Variants in SLC24A2 observed in about 807,000 individuals in gnomAD.
SLC24A2 encodes sodium/potassium/calcium exchanger 2.
Under a neutral mutation model 62.0 loss-of-function variants are expected in SLC24A2, and 36 were observed. The observed-to-expected ratio is 0.58, with a 90% CI of 0.44 to 0.77. The LOEUF (loss-of-function observed/expected upper bound fraction) is 0.77, where lower values mean the gene tolerates loss of function less well. SLC24A2 is among the 30% of genes least tolerant of loss of function. The pLI, the probability that SLC24A2 is intolerant of heterozygous loss-of-function variation, is 0.00. For synonymous variants in SLC24A2, 358 were observed against 294.0 expected (o/e 1.22, Z -2.23); for missense variants, 846 against 817.9 (o/e 1.03, Z -0.42).
the SLC24A2 span, among the ~76,000 whole-genome samples, chr9:20,130,411 C>A: frequency 6.6e-6 from 1 of 151,816 alleles, no homozygotes; most frequent in Non-Finnish European, 1.5e-5. Flanking sequence ...CAAGGAAGGC[C>A]TCTCTGAGGT....
the SLC24A2 span, among the ~76,000 whole-genome samples, chr9:20,131,424 A>G: frequency 6.6e-6 from 1 of 152,148 alleles, no homozygotes; most frequent in Non-Finnish European, 1.5e-5. Flanking sequence ...ACCTGTCAAG[A>G]TATACCTTGG....
the SLC24A2 span, among the ~76,000 whole-genome samples, chr9:20,122,646 A>G: frequency 6.6e-6 from 1 of 152,196 alleles, no homozygotes; most frequent in African/African-American, 2.4e-5. Flanking sequence ...AGATTGCACC[A>G]CTGCACTCCA....
chr9:19,600,746 T>C (rs1445703660), intron 4 of SLC24A2, among the ~76,000 whole-genome samples: 2 of 152,170 alleles, frequency 1.3e-5, no homozygotes, highest in East Asian at 3.9e-4. Flanking sequence ...ACTCAGGCCA[T>C]ATTTCACCTT....
At chr9:19,996,707 A>G in the SLC24A2 span, among the ~76,000 whole-genome samples, 1 of 145,206 alleles carries the variant, frequency 6.9e-6, no homozygotes, top group Middle Eastern at 3.8e-3. Context: ...GTGCCACTGC[A>G]CCACTCCAGC....
the SLC24A2 span, among the ~76,000 whole-genome samples, chr9:19,897,655 C>T: frequency 5.5e-4 from 83 of 152,192 alleles, no homozygotes; most frequent in African/African-American, 1.8e-3. Flanking sequence ...TTCTAATATT[C>T]GGGTCTATTA....
chr9:19,564,518 A>G (rs1373525119), intron 7 of SLC24A2, among the ~76,000 whole-genome samples: 1 of 136,460 alleles, frequency 7.3e-6, no homozygotes, highest in Non-Finnish European at 1.6e-5. Flanking sequence ...GTCATCTGTT[A>G]TCTACCTACC....
chr9:19,698,552 T>C (rs1447288523), intron 2 of SLC24A2, among the ~76,000 whole-genome samples: 3 of 152,198 alleles, frequency 2.0e-5, no homozygotes, highest in Non-Finnish European at 4.4e-5. Context: ...CTCCTTCAGC[T>C]CTAATATTTC....
the SLC24A2 span, among the ~76,000 whole-genome samples, chr9:19,859,487 T>A: frequency 3.3e-5 from 5 of 152,056 alleles, no homozygotes; most frequent in Admixed American, 3.3e-4. Context: ...CGTGTATCCC[T>A]GAACCTAAAA....
upstream of SLC24A2, among the ~76,000 whole-genome samples, chr9:19,790,023 A>G (rs1299686422): frequency 6.6e-6 from 1 of 152,122 alleles, no homozygotes. Flanking sequence ...CAATAAGTAA[A>G]GGGAAGCCTA....
chr9:19,525,696 A>C lies in SLC24A2; in HGVS notation c.1569+2353T>G, dbSNP rs551366360. The stretch of plus-strand genomic sequence containing the variant: ...TGGGACTACAGGCATGACCCACTGC[A>C]ACCAGCCTGCAAGTTTTTACAAATG... On this transcript the variant is annotated intron_variant, in intron 9 of 10. Coordinates refer to ENST00000341998, the MANE Select transcript of SLC24A2 (RefSeq NM_020344.4). Among the ~76,000 whole-genome samples, 3 of 150,802 alleles carry C rather than the reference A, an allele frequency of 2.0e-5. No homozygotes were observed. The East Asian group carries it at 5.8e-4, about 29-fold the overall frequency.
chr9:19,685,850 T>C (rs1210662912), intron 2 of SLC24A2, among the ~76,000 whole-genome samples: 8 of 152,200 alleles, frequency 5.3e-5, no homozygotes, highest in Admixed American at 3.3e-4. Flanking sequence ...TGTCTGGACA[T>C]TGGACTTGGC....
intron 2 of SLC24A2, among the ~76,000 whole-genome samples, chr9:19,636,553 G>C (rs542253260): frequency 2.0e-5 from 3 of 151,128 alleles, no homozygotes; most frequent in African/African-American, 7.3e-5. Context: ...TCCTACCTCA[G>C]CCTCCTGAGT....
chr9:19,601,495 A>G lies in SLC24A2; in HGVS notation c.1079-4216T>C, dbSNP rs141634821. Among the ~76,000 whole-genome samples the G allele has an allele frequency of 9.3e-3, 1,413 of 152,304 alleles. 30 individuals carry two copies. Among genetic ancestry groups the G allele is most frequent in the African/African-American group, 0.032 (1,350 of 41,556 alleles). ...TGGGTCCATGCCATCTTTAAGAGCTATAACACTCACCACGAAGGTCCACGG... is the reference window on the plus strand; with the variant it reads ...TGGGTCCATGCCATCTTTAAGAGCTGTAACACTCACCACGAAGGTCCACGG... On this transcript the variant is annotated intron_variant, in intron 4 of 10. Coordinates refer to ENST00000341998, the MANE Select transcript of SLC24A2 (RefSeq NM_020344.4).
At chr9:20,006,326 G>A in the SLC24A2 span, among the ~76,000 whole-genome samples, 4 of 151,668 alleles carry the variant, frequency 2.6e-5, no homozygotes, top group Non-Finnish European at 4.4e-5. Context: ...GAAACATGAA[G>A]GGTAGTGGGT....
At chr9:20,048,252 A>G in the SLC24A2 span, among the ~76,000 whole-genome samples, 102 of 152,340 alleles carry the variant, frequency 6.7e-4, 1 homozygote, top group East Asian at 0.018. Flanking sequence ...TTTAGTAAAT[A>G]GTTGTTGACA....
intron 9 of SLC24A2, among the ~76,000 whole-genome samples, chr9:19,524,438 A>C (rs187133388): frequency 5.6e-4 from 83 of 149,350 alleles, no homozygotes; most frequent in African/African-American, 1.9e-3. Flanking sequence ...AAAAAAAGCC[A>C]AGGGCAAATT....
intron 9 of SLC24A2, among the ~76,000 whole-genome samples, chr9:19,521,975 C>T (rs1037292638): frequency 1.3e-5 from 2 of 151,204 alleles, no homozygotes; most frequent in African/African-American, 4.9e-5. Context: ...TTCTCTTGAG[C>T]AATTTGTTTG....
chr9:19,749,608 T>G (rs540053579), intron 2 of SLC24A2, among the ~76,000 whole-genome samples: 1 of 152,312 alleles, frequency 6.6e-6, no homozygotes, highest in Admixed American at 6.5e-5. Flanking sequence ...GTAGCCATAT[T>G]TAGCAAATAA....
chr9:19,687,756 G>T (rs928351453), intron 2 of SLC24A2, among the ~76,000 whole-genome samples: 1 of 152,030 alleles, frequency 6.6e-6, no homozygotes, highest in East Asian at 1.9e-4. Context: ...ACTTTCAGCT[G>T]TCTTGATTAG....
Sources: allele counts gnomAD v4.1 joint callset (sites outside exome capture counted in the v4.1 genomes callset), GRCh38; gene constraint gnomAD v4.1.1; transcripts MANE v1.5; gene names NCBI Gene and HGNC (gene_info 2026-07-23, HGNC 2026-07-21).